The following PTPRD variants were observed in gnomAD, a reference collection of about 807,000 sequenced individuals.
The protein encoded by PTPRD is protein tyrosine phosphatase receptor type D, also known as receptor-type tyrosine-protein phosphatase delta.
In PTPRD, 34 loss-of-function variants were observed where a neutral mutation model predicts 214.5. The ratio of observed to expected loss-of-function variants is 0.16; its 90% CI spans 0.12 to 0.21. The LOEUF (loss-of-function observed/expected upper bound fraction) is 0.21, where lower values mean the gene tolerates loss of function less well. Ranked by LOEUF, PTPRD falls within the 10% of genes least tolerant of loss-of-function variation. The probability of loss-of-function intolerance (pLI) is 1.00; values close to 1 mark genes in which losing one functional copy is unlikely to be tolerated. For synonymous variants in PTPRD, 1,128 were observed against 845.7 expected (o/e 1.33, Z -5.79); for missense variants, 2,545 against 2,398.7 (o/e 1.06, Z -1.27).
chr9:8,556,944 A>G (rs1365547797), intron 14 of PTPRD, among the ~76,000 whole-genome samples: 1 of 152,174 alleles, frequency 6.6e-6, no homozygotes, highest in Non-Finnish European at 1.5e-5. Flanking sequence ...TTATATGCAC[A>G]TACATCTTTA....
chr9:8,778,700 A>C (rs2095578744), intron 11 of PTPRD, among the ~76,000 whole-genome samples: 1 of 152,330 alleles, frequency 6.6e-6, no homozygotes, highest in African/African-American at 2.4e-5. Context: ...CTGCTTAGAA[A>C]GATCAGTAAT....
chr9:8,463,990 G>C (rs1428786160), intron 32 of PTPRD, among the ~76,000 whole-genome samples: 1 of 151,888 alleles, frequency 6.6e-6, no homozygotes, highest in East Asian at 1.9e-4. Context: ...AAAGATGATA[G>C]AATAAAGGGG....
intron 9 of PTPRD, among the ~76,000 whole-genome samples, chr9:9,376,196 T>G (rs2060749995): frequency 6.6e-6 from 1 of 152,154 alleles, no homozygotes; most frequent in Admixed American, 6.6e-5. Context: ...GAAAAAAGTC[T>G]TCATTCAAAA....
At chr9:9,377,369 C>G (rs1350051434) in intron 9 of PTPRD, among the ~76,000 whole-genome samples, 5 of 152,098 alleles carry the variant, frequency 3.3e-5, no homozygotes, top group South Asian at 2.1e-4. Context: ...TGATTATCAA[C>G]AATTTTCATC....
intron 2 of PTPRD, among the ~76,000 whole-genome samples, chr9:10,491,978 C>G (rs995494023): frequency 6.6e-6 from 1 of 152,088 alleles, no homozygotes; most frequent in Admixed American, 6.6e-5. Flanking sequence ...GTTTTCTGTT[C>G]CTGTGTTAGT....
intron 9 of PTPRD, among the ~76,000 whole-genome samples, chr9:9,301,944 T>C (rs1262616428): frequency 2.0e-5 from 3 of 151,908 alleles, no homozygotes; most frequent in East Asian, 3.9e-4. Flanking sequence ...CGCATTTGTT[T>C]GTTGATTTGC....
intron 4 of PTPRD, among the ~76,000 whole-genome samples, chr9:9,998,811 T>C (rs574700305): frequency 1.3e-5 from 2 of 152,294 alleles, no homozygotes; most frequent in Admixed American, 1.3e-4. Flanking sequence ...GTAGCTAACA[T>C]TTTTACTGAC....
Position 10,031,755 on chromosome 9 carries a change from T to C in PTPRD, c.-472+1963A>G, listed in dbSNP as rs1313708438. On this transcript the variant is annotated intron_variant, in intron 4 of 45. Transcript: ENST00000381196. Reference sequence around the variant, plus strand: ...CAGAGTTGTGCCAGCAGAGCCTATTTTTTTTATGGAGTTTACTAGATTCGT... The same window carrying C: ...CAGAGTTGTGCCAGCAGAGCCTATTCTTTTTATGGAGTTTACTAGATTCGT... Among the ~76,000 whole-genome samples, 3 of 151,322 alleles carry C rather than the reference T, an allele frequency of 2.0e-5. No homozygotes were observed. The East Asian group carries it at 5.8e-4, about 29-fold the overall frequency.
chr9:10,177,181 C>T (rs1184655286), intron 3 of PTPRD, among the ~76,000 whole-genome samples: 1 of 151,854 alleles, frequency 6.6e-6, no homozygotes, highest in Non-Finnish European at 1.5e-5. Context: ...TCGTGGAGTG[C>T]TTCCTGCATT....
At chr9:9,724,782 G>A (rs1596088415) in intron 7 of PTPRD, among the ~76,000 whole-genome samples, 1 of 152,110 alleles carries the variant, frequency 6.6e-6, no homozygotes, top group Non-Finnish European at 1.5e-5. Flanking sequence ...TACAGTGGAG[G>A]AAATGGAGGT....
At chr9:9,615,018 C>A (rs764047913) in intron 7 of PTPRD, among the ~76,000 whole-genome samples, 1 of 152,128 alleles carries the variant, frequency 6.6e-6, no homozygotes, top group Non-Finnish European at 1.5e-5. Context: ...AAGGGGCTTC[C>A]TGCAATTTCC....
chr9:9,563,592 C>T (rs936231084), intron 8 of PTPRD, among the ~76,000 whole-genome samples: 3 of 152,254 alleles, frequency 2.0e-5, no homozygotes, highest in Non-Finnish European at 2.9e-5. Flanking sequence ...AAGGAAACCA[C>T]ATTCAGAGGA....
At chr9:9,788,397 A>T (rs1053122185) in intron 5 of PTPRD, among the ~76,000 whole-genome samples, 8 of 151,392 alleles carry the variant, frequency 5.3e-5, no homozygotes, top group Admixed American at 4.6e-4. Flanking sequence ...TAAAAATACA[A>T]AAAAATTACC....
At chr9:9,304,531 G>T (rs1227780554) in intron 9 of PTPRD, among the ~76,000 whole-genome samples, 3 of 151,966 alleles carry the variant, frequency 2.0e-5, no homozygotes, top group Non-Finnish European at 2.9e-5. Context: ...GAGCATTTTA[G>T]ATGCTCTGTG....
intron 8 of PTPRD, among the ~76,000 whole-genome samples, chr9:9,415,721 T>C (rs1484086340): frequency 6.6e-6 from 1 of 152,132 alleles, no homozygotes; most frequent in African/African-American, 2.4e-5. Flanking sequence ...AAAAAAGTAC[T>C]CAAGTAGTTC....
At chr9:9,618,928 T>A (rs562484993) in intron 7 of PTPRD, among the ~76,000 whole-genome samples, 7 of 151,922 alleles carry the variant, frequency 4.6e-5, no homozygotes, top group Non-Finnish European at 1.0e-4. Context: ...TGAAGGTAGT[T>A]GAGAATAAAT....
intron 2 of PTPRD, among the ~76,000 whole-genome samples, chr9:10,475,169 C>T (rs1434586552): frequency 6.6e-6 from 1 of 152,006 alleles, no homozygotes. Flanking sequence ...ACATGAAAAA[C>T]CCTTCAAAAA....
At chr9:8,415,962 C>T (rs934699549) in intron 35 of PTPRD, among the ~76,000 whole-genome samples, 2 of 152,144 alleles carry the variant, frequency 1.3e-5, no homozygotes, top group African/African-American at 4.8e-5. Flanking sequence ...CTTGGGATCA[C>T]TTTGCCTTCT....
intron 6 of PTPRD, among the ~76,000 whole-genome samples, chr9:9,758,387 A>C (rs1362502186): frequency 3.3e-5 from 5 of 152,158 alleles, no homozygotes; most frequent in Non-Finnish European, 4.4e-5. Flanking sequence ...CCCACCTGTG[A>C]TGGTGGCTGA....
Sources: allele counts gnomAD v4.1 joint callset (sites outside exome capture counted in the v4.1 genomes callset), GRCh38; gene constraint gnomAD v4.1.1; transcripts MANE v1.5; gene names NCBI Gene and HGNC (gene_info 2026-07-23, HGNC 2026-07-21).